PAFAH1B1: variants seen among roughly 807,000 people sequenced by gnomAD.
The protein encoded by PAFAH1B1 is platelet activating factor acetylhydrolase 1b regulatory subunit 1.
A neutral mutation model predicts 57.5 loss-of-function variants in PAFAH1B1; 2 were observed. That is an observed-to-expected ratio of 0.03 (90% confidence interval 0.01 to 0.11). The LOEUF (loss-of-function observed/expected upper bound fraction) is 0.11. Among genes scored for constraint, PAFAH1B1 ranks in the 10% least tolerant of loss-of-function variants. PAFAH1B1 has a pLI of 1.00. For missense variants in PAFAH1B1, 257 were observed against 512.0 expected (o/e 0.50, Z 4.81); for synonymous variants, 152 against 169.6 (o/e 0.90, Z 0.81).
intron 2 of PAFAH1B1, among the ~76,000 whole-genome samples, chr17:2,664,665 G>GCGCGCGCTCT: frequency 7.0e-5 from 6 of 86,026 alleles, no homozygotes; most frequent in Non-Finnish European, 5.3e-5. Flanking sequence ...TCTATCTATC[G>GCGCGCGCTCT]CTCTCTCTCT....
chr17:2,652,287 T>G (rs7223817), intron 2 of PAFAH1B1, among the ~76,000 whole-genome samples: 4 of 147,868 alleles, frequency 2.7e-5, no homozygotes, highest in Admixed American at 2.0e-4. Flanking sequence ...TGGTGGCGGG[T>G]GCCTGTAGTC....
rs2068420602 is a variant in PAFAH1B1, at chr17:2,621,554, A to T, written c.-190-16545A>T. 2.0e-5 allele frequency among the ~76,000 whole-genome samples: 3 copies of T among 146,776 alleles called. No individual in the cohort carries two copies. The South Asian group carries it at 6.7e-4, about 33-fold the overall frequency. ...ATTGCTGCATCTGGAAAATATTTGG[A>T]TTAAGAGCCATAATATATAATACGT... On this transcript the variant is annotated intron_variant, in intron 1 of 10. Coordinates refer to ENST00000397195, the MANE Select transcript of PAFAH1B1 (RefSeq NM_000430.4).
At position 2,682,873 on chromosome 17, in the gene PAFAH1B1, A is replaced by G. The variant is rs558285468; in HGVS notation, c.*1071A>G. 6.5e-6 allele frequency: 1 copy of G among 152,698 alleles called. No homozygotes were observed. Among genetic ancestry groups the G allele is most frequent in the African/African-American group, 2.4e-5 (1 of 41,564 alleles). The allele number at this position is 152,698 out of a possible 1,614,324, so 9.5% of individuals were successfully genotyped here. ...TTTAATGGAGCGTGCATAAAAATGT[A>G]CTGTTTTCACCTTTTGTTTATATGT... On this transcript the variant is annotated 3_prime_UTR_variant, in exon 11 of 11. Coordinates refer to ENST00000397195, the MANE Select transcript of PAFAH1B1 (RefSeq NM_000430.4).
chr17:2,623,662 C>G (rs1238362173), intron 1 of PAFAH1B1, among the ~76,000 whole-genome samples: 3 of 148,642 alleles, frequency 2.0e-5, no homozygotes, highest in African/African-American at 5.0e-5. Flanking sequence ...GAGTCTTGCT[C>G]TGTCGCCCAG....
intron 1 of PAFAH1B1, among the ~76,000 whole-genome samples, chr17:2,605,635 C>T (rs2068196897): frequency 6.6e-6 from 1 of 152,178 alleles, no homozygotes; most frequent in African/African-American, 2.4e-5. Flanking sequence ...CTTACTTACG[C>T]TTCAAATCTG....
intron 1 of PAFAH1B1, among the ~76,000 whole-genome samples, chr17:2,605,722 G>A (rs1049915703): frequency 6.6e-6 from 1 of 151,948 alleles, no homozygotes; most frequent in Non-Finnish European, 1.5e-5. Context: ...CTCTGAGTTC[G>A]TAATCTTATA....
At chr17:2,674,889 T>C (rs1049336274) in intron 8 of PAFAH1B1, among the ~76,000 whole-genome samples, 2 of 152,200 alleles carry the variant, frequency 1.3e-5, no homozygotes, top group African/African-American at 4.8e-5. Context: ...GCTATAGTCC[T>C]AGCTACTCAG....
At chr17:2,616,169 G>A (rs1491003256) in intron 1 of PAFAH1B1, among the ~76,000 whole-genome samples, 4 of 152,128 alleles carry the variant, frequency 2.6e-5, no homozygotes, top group Admixed American at 1.3e-4. Flanking sequence ...TGCTTGGAGG[G>A]TACCCAGGGA....
intron 1 of PAFAH1B1, among the ~76,000 whole-genome samples, chr17:2,598,598 C>CTT (rs753116217): frequency 2.8e-5 from 4 of 140,608 alleles, no homozygotes; most frequent in African/African-American, 7.8e-5. Context: ...ACAACTATTA[C>CTT]TTTTTTTTTT....
At chr17:2,676,891 G>A (rs1282598161) in intron 9 of PAFAH1B1, among the ~76,000 whole-genome samples, 1 of 152,026 alleles carries the variant, frequency 6.6e-6, no homozygotes, top group East Asian at 1.9e-4. Context: ...GGCCGGGCGC[G>A]GTGGCTTACG....
chr17:2,626,605 A>G (rs2068496523), intron 1 of PAFAH1B1, among the ~76,000 whole-genome samples: 1 of 115,524 alleles, frequency 8.7e-6, no homozygotes, highest in Non-Finnish European at 1.6e-5. Context: ...CCAGAGCTGG[A>G]GTGCAGTGGC....
intron 9 of PAFAH1B1, 71 bp downstream of exon 9, chr17:2,676,677 G>A: frequency 1.1e-6 from 1 of 889,520 alleles, no homozygotes; most frequent in South Asian, 1.3e-5. Context: ...AATGCTTTAT[G>A]ATATCTTAAA....
intron 9 of PAFAH1B1, among the ~76,000 whole-genome samples, chr17:2,679,454 ATGATTGGATGGATGGATGGATGAT>A (rs2069332354): frequency 1.4e-5 from 2 of 146,936 alleles, no homozygotes; most frequent in Admixed American, 6.8e-5. Flanking sequence ...GGATAGATGG[ATGATTGGATGGATGGATGGATGAT>A]TGGATGGATG....
At chr17:2,650,328 A>G (rs2068831338) in intron 2 of PAFAH1B1, among the ~76,000 whole-genome samples, 3 of 152,180 alleles carry the variant, frequency 2.0e-5, no homozygotes, top group African/African-American at 7.2e-5. Context: ...CTTGGACAAC[A>G]TGGCAAAACC....
chr17:2,645,864 A>T lies in PAFAH1B1; in HGVS notation c.32+7544A>T, dbSNP rs1262402657. ...CGTGATCCACCCGCCTGGACCTCCC[A>T]AAGTGCTAGGATTACAGGCATGAGC... On this transcript the variant is annotated intron_variant, in intron 2 of 10. Transcript: ENST00000397195. 4.6e-5 allele frequency among the ~76,000 whole-genome samples: 7 copies of T among 151,210 alleles called. No individual in the cohort carries two copies. The East Asian group carries it at 1.4e-3, about 30-fold the overall frequency.
intron 8 of PAFAH1B1, among the ~76,000 whole-genome samples, chr17:2,675,151 G>T (rs1228856386): frequency 6.6e-6 from 1 of 152,108 alleles, no homozygotes; most frequent in African/African-American, 2.4e-5. Context: ...ACGGATGCAT[G>T]TACCACCCTG....
intron 1 of PAFAH1B1, among the ~76,000 whole-genome samples, chr17:2,612,670 C>T (rs972124915): frequency 2.0e-5 from 3 of 152,124 alleles, no homozygotes; most frequent in African/African-American, 7.2e-5. Context: ...GTCCAGTGGC[C>T]TGAACACGGC....
At chr17:2,612,020 A>G (rs1363061147) in intron 1 of PAFAH1B1, among the ~76,000 whole-genome samples, 2 of 152,138 alleles carry the variant, frequency 1.3e-5, no homozygotes, top group East Asian at 3.8e-4. Context: ...AATGATGTTT[A>G]AATATCATTG....
intron 1 of PAFAH1B1, among the ~76,000 whole-genome samples, chr17:2,610,668 T>A (rs1271829804): frequency 1.3e-5 from 2 of 152,216 alleles, no homozygotes; most frequent in Non-Finnish European, 2.9e-5. Context: ...TTAGGAAAGC[T>A]TACGAATTTG....
Sources: allele counts gnomAD v4.1 joint callset (sites outside exome capture counted in the v4.1 genomes callset), GRCh38; gene constraint gnomAD v4.1.1; transcripts MANE v1.5; gene names NCBI Gene and HGNC (gene_info 2026-07-23, HGNC 2026-07-21).